The following RORA variants were observed in gnomAD, a reference collection of about 807,000 sequenced individuals.
RORA encodes nuclear receptor ROR-alpha.
A neutral mutation model predicts 69.5 loss-of-function variants in RORA; 7 were observed. That is an observed-to-expected ratio of 0.10 (90% CI 0.06 to 0.19). RORA has a LOEUF of 0.19. Among genes scored for constraint, RORA ranks in the 10% least tolerant of loss-of-function variants. RORA has a pLI of 1.00. For missense variants in RORA, 457 were observed against 663.0 expected (o/e 0.69, Z 3.41); for synonymous variants, 261 against 240.8 (o/e 1.08, Z -0.78).
intron 1 of RORA, among the ~76,000 whole-genome samples, chr15:60,863,865 G>T (rs939765486): frequency 8.6e-5 from 13 of 150,534 alleles, no homozygotes; most frequent in African/African-American, 3.2e-4. Context: ...GGAGTGCAGT[G>T]GCACCATCTC....
At chr15:60,995,806 CCA>C (rs1235269045) in intron 1 of RORA, among the ~76,000 whole-genome samples, 2 of 152,188 alleles carry the variant, frequency 1.3e-5, no homozygotes, top group African/African-American at 4.8e-5. Context: ...GTTATGTCCA[CCA>C]CAGAGTATGA....
chr15:61,034,067 C>T (rs907999378), intron 1 of RORA, among the ~76,000 whole-genome samples: 1 of 152,144 alleles, frequency 6.6e-6, no homozygotes, highest in African/African-American at 2.4e-5. Flanking sequence ...ACATATGCCA[C>T]TTCCATTATA....
At chr15:60,518,731 C>T (rs544541125) in intron 3 of RORA, among the ~76,000 whole-genome samples, 3 of 152,310 alleles carry the variant, frequency 2.0e-5, no homozygotes, top group African/African-American at 7.2e-5. Context: ...TCCTGCTGCA[C>T]CTTCCTTCCT....
intron 1 of RORA, among the ~76,000 whole-genome samples, chr15:60,943,417 G>C (rs1892760708): frequency 6.6e-6 from 1 of 151,304 alleles, no homozygotes; most frequent in Non-Finnish European, 1.5e-5. Flanking sequence ...GTTCTTTGCT[G>C]TATCAAGGTC....
chr15:60,563,623 A>G (rs913841138), intron 2 of RORA, among the ~76,000 whole-genome samples: 2 of 152,228 alleles, frequency 1.3e-5, no homozygotes, highest in African/African-American at 4.8e-5. Context: ...AACCAAACTG[A>G]GACAGCACAG....
At chr15:60,801,145 GC>G (rs1332424660) in intron 1 of RORA, among the ~76,000 whole-genome samples, 2 of 152,178 alleles carry the variant, frequency 1.3e-5, no homozygotes, top group African/African-American at 4.8e-5. Flanking sequence ...CTTACTTGGC[GC>G]AGACCCTATT....
At chr15:61,077,172 C>T (rs2689352) in intron 1 of RORA, among the ~76,000 whole-genome samples, 87,914 of 149,216 alleles carry the variant, frequency 0.59, 26,076 homozygotes, top group South Asian at 0.66. Flanking sequence ...AATATTTAAT[C>T]GTAGATGATA....
At chr15:61,197,100 T>A (rs1409112871) in intron 1 of RORA, among the ~76,000 whole-genome samples, 1 of 152,180 alleles carries the variant, frequency 6.6e-6, no homozygotes, top group Admixed American at 6.5e-5. Context: ...AAGGCCAGCG[T>A]TACTTCCCGG....
chr15:61,188,391 A>G (rs948069074), intron 1 of RORA, among the ~76,000 whole-genome samples: 1 of 152,186 alleles, frequency 6.6e-6, no homozygotes, highest in African/African-American at 2.4e-5. Flanking sequence ...TGACCCACCA[A>G]CGGGGCCTAG....
intron 1 of RORA, among the ~76,000 whole-genome samples, chr15:61,065,053 GTATCACAAATTAACAATAGTGT>G (rs2078238195): frequency 6.6e-6 from 1 of 152,168 alleles, no homozygotes; most frequent in Admixed American, 6.5e-5. Flanking sequence ...GCTCCAGAAT[GTATCACAAATTAACAATAGTGT>G]TATCACTGGA....
chr15:61,204,470 AG>A (rs1204886645), intron 1 of RORA, among the ~76,000 whole-genome samples: 3 of 152,234 alleles, frequency 2.0e-5, no homozygotes, highest in Admixed American at 2.0e-4. Context: ...GGAGGACCAA[AG>A]TTCAGTATGG....
In RORA at chr15:60,789,365, C is replaced by T. The variant is rs74798949; in HGVS notation, c.167-110679G>A. Among the ~76,000 whole-genome samples, 1,266 of 152,364 alleles carry T rather than the reference C, an allele frequency of 8.3e-3. 15 individuals carry two copies. The highest frequency in any genetic ancestry group is 0.029 in the African/African-American group (1,212 of 41,580). Reference sequence around the variant, plus strand: ...TCACATACACAAACACTTAATATATCTTGCTTCTGTAACTTTGCTCAAGCT... The same window carrying T: ...TCACATACACAAACACTTAATATATTTTGCTTCTGTAACTTTGCTCAAGCT... On this transcript the variant is annotated intron_variant, in intron 1 of 10. Transcript: ENST00000335670.
intron 1 of RORA, among the ~76,000 whole-genome samples, chr15:60,802,249 C>T (rs1028238310): frequency 3.3e-5 from 5 of 152,258 alleles, no homozygotes; most frequent in Admixed American, 2.6e-4. Context: ...ATTTCCTCAT[C>T]TGCGTATGTG....
At chr15:61,077,482 G>A (rs2078470281) in intron 1 of RORA, among the ~76,000 whole-genome samples, 1 of 152,242 alleles carries the variant, frequency 6.6e-6, no homozygotes, top group Admixed American at 6.5e-5. Flanking sequence ...ATAGGGTTAT[G>A]AACGTGAAAG....
chr15:60,777,575 GC>G (rs773559330), intron 1 of RORA, among the ~76,000 whole-genome samples: 5 of 152,204 alleles, frequency 3.3e-5, no homozygotes, highest in Non-Finnish European at 7.3e-5. Flanking sequence ...GATCATTTCT[GC>G]GAGAGAAATT....
intron 1 of RORA, among the ~76,000 whole-genome samples, chr15:60,939,119 C>T (rs958336763): frequency 5.9e-5 from 9 of 152,234 alleles, no homozygotes; most frequent in African/African-American, 2.2e-4. Flanking sequence ...CTCCTGACCT[C>T]CACTTTGGCC....
intron 1 of RORA, among the ~76,000 whole-genome samples, chr15:60,917,426 C>T (rs1001508357): frequency 3.9e-5 from 6 of 152,116 alleles, no homozygotes; most frequent in African/African-American, 1.2e-4. Flanking sequence ...AGAGTAACAG[C>T]GTTAGTTTTC....
chr15:61,050,836 T>C (rs1193390760), intron 1 of RORA, among the ~76,000 whole-genome samples: 2 of 152,172 alleles, frequency 1.3e-5, no homozygotes, highest in African/African-American at 4.8e-5. Context: ...TATCCCAGTT[T>C]ATGGGTGAGG....
chr15:61,007,136 T>C (rs916771004), intron 1 of RORA, among the ~76,000 whole-genome samples: 3 of 152,106 alleles, frequency 2.0e-5, no homozygotes, highest in Non-Finnish European at 4.4e-5. Context: ...ATGAACACCA[T>C]TGGAGTTCTT....
Sources: allele counts gnomAD v4.1 joint callset (sites outside exome capture counted in the v4.1 genomes callset), GRCh38; gene constraint gnomAD v4.1.1; transcripts MANE v1.5; gene names NCBI Gene and HGNC (gene_info 2026-07-23, HGNC 2026-07-21).